The following RNF19B variants were observed in gnomAD, a reference collection of about 807,000 sequenced individuals.
RNF19B encodes ring finger protein 19B, also known as E3 ubiquitin-protein ligase RNF19B.
In RNF19B, 23 loss-of-function variants were observed where a neutral mutation model predicts 65.5. That is an observed-to-expected ratio of 0.35 (90% CI 0.25 to 0.50). The LOEUF is 0.50. Among genes scored for constraint, RNF19B ranks in the 20% least tolerant of loss-of-function variants. The probability of loss-of-function intolerance (pLI) is 0.98; values close to 1 mark genes in which losing one functional copy is unlikely to be tolerated. For synonymous variants in RNF19B, 372 were observed against 379.6 expected, an observed-to-expected ratio of 0.98 and a Z score of 0.23; for missense variants, 794 against 980.0, an observed-to-expected ratio of 0.81 and a Z score of 2.53.
At position 32,942,590 on chromosome 1, in the gene RNF19B, A is replaced by AT. The variant is rs1263584794; in HGVS notation, c.1403-132dup. 6 of 654,142 alleles carry AT rather than the reference A, an allele frequency of 9.2e-6. No homozygotes were observed. In the African/African-American group the frequency reaches 1.1e-4, roughly 12 times the overall value. 40.5% of individuals were successfully genotyped at this position (654,142 alleles called of 1,614,324 possible). A position where few individuals can be genotyped will look rare whatever the true frequency, so the allele number is the denominator to read the frequency against. On this transcript the variant is annotated intron_variant, in intron 6 of 8. Coordinates refer to ENST00000235150, the MANE Select transcript of RNF19B (RefSeq NM_001300826.2). ...AACAGGTACTGTGTGCAGTCGCCACATATCAGGTGTTTTAACATATGTTCA... is the reference window on the plus strand; with the variant it reads ...AACAGGTACTGTGTGCAGTCGCCACATTATCAGGTGTTTTAACATATGTTCA...
intron 2 of RNF19B, among the ~76,000 whole-genome samples, chr1:32,948,625 AAGG>A (rs139446609): frequency 1.5e-3 from 234 of 152,324 alleles, no homozygotes; most frequent in African/African-American, 5.2e-3. Context: ...ACATTCTAGC[AAGG>A]AGATTTCCTT....
intron 7 of RNF19B, 114 bp from the exon 8 acceptor site, chr1:32,938,642 ATCT>A (rs1236450620): frequency 3.7e-6 from 4 of 1,079,332 alleles, no homozygotes; most frequent in Middle Eastern, 2.4e-4. Flanking sequence ...TGTCTGTCTG[ATCT>A]TCTCCAACTG....
At chr1:32,954,490 G>C (rs1056083796) in intron 1 of RNF19B, among the ~76,000 whole-genome samples, 1 of 151,782 alleles carries the variant, frequency 6.6e-6, no homozygotes, top group African/African-American at 2.4e-5. Context: ...TGTAATCCCA[G>C]CACTCTGGGA....
chr1:32,933,647 G>A (rs1205254526), downstream of RNF19B, among the ~76,000 whole-genome samples: 3 of 152,152 alleles, frequency 2.0e-5, no homozygotes, highest in East Asian at 5.8e-4. Flanking sequence ...CTAAGGATTA[G>A]AATAAATTTA....
chr1:32,955,735 C>T (rs1302246424), intron 1 of RNF19B, among the ~76,000 whole-genome samples: 3 of 144,666 alleles, frequency 2.1e-5, no homozygotes, highest in Non-Finnish European at 3.0e-5. Flanking sequence ...GGAGACAGAG[C>T]TAAACCCTGT....
chr1:32,930,982 G>A, the RNF19B span, among the ~76,000 whole-genome samples: 2 of 152,092 alleles, frequency 1.3e-5, no homozygotes, highest in East Asian at 1.9e-4. Flanking sequence ...CAGCTACTTG[G>A]GAGGCTGAGG....
At chr1:32,931,322 G>C in the RNF19B span, among the ~76,000 whole-genome samples, 2 of 152,136 alleles carry the variant, frequency 1.3e-5, no homozygotes, top group East Asian at 1.9e-4. Flanking sequence ...TTGCCTTCCA[G>C]AAGCATACTG....
In RNF19B at chr1:32,944,122, C is replaced by A; in HGVS notation, c.1299G>T (p.Gly433=). Residue 433 remains glycine (G), a synonymous_variant, in exon 6 of 9, where the codon GGG becomes GGT. Coordinates refer to ENST00000235150, the MANE Select transcript of RNF19B (RefSeq NM_001300826.2). ...CACGACAAAGAGAAATGGGCACAAC[C>A]CCATAAACATATGCCAGCATAATGG... The part of the protein sequence containing the change: ...GVPIMLAYVY[G]VVPISLCRGG... The A allele has an allele frequency of 6.2e-7, 1 of 1,613,912 alleles. No homozygotes were observed. The highest frequency in any genetic ancestry group is 1.1e-5 in the South Asian group (1 of 91,030).
chr1:32,956,911 A>G (rs1642652224), intron 1 of RNF19B, among the ~76,000 whole-genome samples: 1 of 152,290 alleles, frequency 6.6e-6, no homozygotes, highest in South Asian at 2.1e-4. Flanking sequence ...ACATGCGCCA[A>G]CTTGTCACAA....
chr1:32,963,747 A>G (rs962680625), intron 1 of RNF19B, among the ~76,000 whole-genome samples: 5 of 151,130 alleles, frequency 3.3e-5, no homozygotes, highest in Admixed American at 2.0e-4. Flanking sequence ...AAAAAAAGAT[A>G]CTGTCCTCAC....
chr1:32,958,201 G>C (rs534173842), intron 1 of RNF19B, among the ~76,000 whole-genome samples: 170 of 152,212 alleles, frequency 1.1e-3, no homozygotes, highest in African/African-American at 3.7e-3. Context: ...CCTGTTTCCT[G>C]GTGATCTAAA....
intron 1 of RNF19B, among the ~76,000 whole-genome samples, chr1:32,953,831 C>T (rs1642568204): frequency 6.6e-6 from 1 of 150,818 alleles, no homozygotes; most frequent in African/African-American, 2.4e-5. Flanking sequence ...GAGCCTTGAA[C>T]ACTTCATCAT....
chr1:32,947,543 C>A (rs1033748116), intron 3 of RNF19B, among the ~76,000 whole-genome samples: 2 of 151,974 alleles, frequency 1.3e-5, no homozygotes, highest in South Asian at 4.2e-4. Context: ...CCTGTAATCC[C>A]AGCTACTTAG....
Position 32,964,699 on chromosome 1 carries a change from C to G in RNF19B, c.-14G>C, listed in dbSNP as rs770763845. ...CTCGGAGCCCATGGCCGGCAGAGGC[C>G]GAGGAGCCAGGGGCGCCCAGCGCCG... On this transcript the variant is annotated 5_prime_UTR_variant, in exon 1 of 9. Transcript: ENST00000235150. This position sits in a 1 kb window ranked among gnomAD's most constrained non-coding sequence, Gnocchi z 6.5. The G allele has an allele frequency of 1.4e-6, 2 of 1,449,286 alleles. No individual in the cohort carries two copies. The highest frequency in any genetic ancestry group is 1.3e-5 in the South Asian group (1 of 75,854). The allele number at this position is 1,449,286 out of a possible 1,614,324, so 89.8% of individuals were successfully genotyped here.
At chr1:32,940,808 T>C (rs1383593052) in intron 7 of RNF19B, among the ~76,000 whole-genome samples, 2 of 152,198 alleles carry the variant, frequency 1.3e-5, no homozygotes, top group African/African-American at 4.8e-5. Flanking sequence ...GCCTAACTAG[T>C]GAAATGACCA....
Position 32,964,463 on chromosome 1 carries a change from G to A in RNF19B, c.223C>T (p.Pro75Ser), listed in dbSNP as rs1642855099. Residue 75 changes from proline to serine, a missense_variant, in exon 1 of 9, where the codon CCG becomes TCG. Pro to Ser is a moderately conservative substitution (Grantham distance 74). This residue lies in a region of RNF19B where 374 missense variants were observed against 423.8 expected (regional missense o/e 0.88). Coordinates refer to ENST00000235150, the MANE Select transcript of RNF19B (RefSeq NM_001300826.2). This position sits in a 1 kb window ranked among gnomAD's most constrained non-coding sequence, Gnocchi z 6.5. ...PAPAPAAAQG[P>S]PPEALPAEPA... ...TCGGCGGGCAGCGCCTCGGGCGGCG[G>A]GCCCTGGGCCGCGGCAGGGGCCGGG... 2.1e-6 allele frequency: 2 copies of A among 966,028 alleles called. No individual in the cohort carries two copies. The highest frequency in any genetic ancestry group is 3.6e-5 in the African/African-American group (2 of 56,182). The allele number at this position is 966,028 out of a possible 1,614,324, so 59.8% of individuals were successfully genotyped here. A position where few individuals can be genotyped will look rare whatever the true frequency, so the allele number is the denominator to read the frequency against.
intron 6 of RNF19B, among the ~76,000 whole-genome samples, chr1:32,943,552 G>A (rs1166183401): frequency 6.6e-6 from 1 of 151,808 alleles, no homozygotes; most frequent in Non-Finnish European, 1.5e-5. Flanking sequence ...GGAGGCGGAG[G>A]TTGCAGTGAA....
At chr1:32,953,184 G>A (rs1414039658) in intron 1 of RNF19B, among the ~76,000 whole-genome samples, 1 of 151,440 alleles carries the variant, frequency 6.6e-6, no homozygotes, top group East Asian at 1.9e-4. Flanking sequence ...ATGTTGCCCA[G>A]GCTGGTCTGG....
In RNF19B at chr1:32,942,474, A is replaced by C. The variant is rs747194979; in HGVS notation, c.1403-15T>G. The C allele has an allele frequency of 6.2e-7, 1 of 1,608,168 alleles. No individual in the cohort carries two copies. Among genetic ancestry groups the C allele is most frequent in the South Asian group, 1.1e-5 (1 of 90,842 alleles). ...GGCATCTGCCACTGGGGATAGAACC[A>C]AACATCCAATTCAAGACAGCAGAGC... On this transcript the variant is annotated splice_polypyrimidine_tract_variant and intron_variant, in intron 6 of 8. Transcript: ENST00000235150.
Sources: gnomAD v4.1 joint callset for allele counts (sites outside exome capture counted in the v4.1 genomes callset) on GRCh38, gnomAD v4.1.1 for gene constraint, gnomAD v4.1.1 regional missense constraint, Gnocchi (gnomAD v3.1) non-coding constraint, MANE v1.5 for transcripts, NCBI Gene and HGNC (gene_info 2026-07-23, HGNC 2026-07-21) for gene names.